GRAP2: variants seen among roughly 807,000 people sequenced by gnomAD.
GRAP2 encodes GRB2-related adapter protein 2.
In GRAP2, 31 loss-of-function variants were observed where a neutral mutation model predicts 43.5. The observed-to-expected ratio is 0.71, with a 90% CI of 0.54 to 0.96. The LOEUF (loss-of-function observed/expected upper bound fraction) is 0.96, where lower values mean the gene tolerates loss of function less well. GRAP2 is among the 40% of genes least tolerant of loss of function. GRAP2 has a pLI of 0.00. For synonymous variants in GRAP2, 156 were observed against 164.8 expected (o/e 0.95, Z 0.41); for missense variants, 371 against 424.4 (o/e 0.87, Z 1.11).
intron 1 of GRAP2, among the ~76,000 whole-genome samples, chr22:39,939,584 AAAT>A (rs2066845329): frequency 6.8e-6 from 1 of 147,462 alleles, no homozygotes; most frequent in African/African-American, 2.5e-5. Flanking sequence ...AAAAAAAAAG[AAAT>A]GGTCCTGCAT....
At position 39,901,314 on chromosome 22, in the gene GRAP2, C is replaced by A. The variant is rs1234563389; in HGVS notation, c.-31C>A. 1 of 1,236,390 alleles carries A rather than the reference C, an allele frequency of 8.1e-7. No homozygotes were observed. The highest frequency in any genetic ancestry group is 5.6e-5 in the East Asian group (1 of 17,790). The allele number at this position is 1,236,390 out of a possible 1,614,324, so 76.6% of individuals were successfully genotyped here. On this transcript the variant is annotated 5_prime_UTR_variant, in exon 1 of 8. Coordinates refer to ENST00000344138, the MANE Select transcript of GRAP2 (RefSeq NM_004810.4). ...GTCAAAGCCAAGACATAAACTCAAC[C>A]CCTTCTCTTCCAAAAGGTATGTCAT...
Position 39,972,556 on chromosome 22 carries a change from C to T in GRAP2, c.*1472C>T, listed in dbSNP as rs1012547021. ...TGGTGAGGGAGCCTGGAAGTTTTCT[C>T]TTCCCCAACCTCTCTTGCTCTAAGG... On this transcript the variant is annotated 3_prime_UTR_variant, in exon 8 of 8. Transcript: ENST00000344138. The T allele has an allele frequency of 2.0e-5, 3 of 152,226 alleles. No homozygotes were observed. Among genetic ancestry groups the T allele is most frequent in the African/African-American group, 7.2e-5 (3 of 41,428 alleles). 9.4% of individuals were successfully genotyped at this position (152,226 alleles called of 1,614,324 possible). A position where few individuals can be genotyped will look rare whatever the true frequency, so the allele number is the denominator to read the frequency against.
Position 39,968,192 on chromosome 22 carries a change from C to A in GRAP2, c.610C>A (p.Pro204Thr), listed in dbSNP as rs1172894325. 6.2e-7 allele frequency: 1 copy of A among 1,610,634 alleles called. No individual in the cohort carries two copies. Among genetic ancestry groups the A allele is most frequent in the Admixed American group, 1.7e-5 (1 of 59,792 alleles). ...GCAGCAGCACCAGCACCAGCCACAG[C>A]CTCCGCAATATGCCCCAGCGCCCCA... ...PLQQHQHQPQ[P>T]PQYAPAPQQL... Residue 204 changes from proline to threonine, a missense_variant, in exon 6 of 8, where the codon CCT becomes ACT. Transcript: ENST00000344138.
upstream of GRAP2, among the ~76,000 whole-genome samples, chr22:39,897,308 A>G (rs1018056808): frequency 2.6e-5 from 4 of 152,074 alleles, no homozygotes; most frequent in African/African-American, 9.7e-5. Context: ...GATATCCATG[A>G]GCTTACCTTT....
intron 1 of GRAP2, among the ~76,000 whole-genome samples, chr22:39,909,718 A>G (rs1569191524): frequency 6.6e-6 from 1 of 152,198 alleles, no homozygotes; most frequent in Non-Finnish European, 1.5e-5. Flanking sequence ...ATGGTACCAC[A>G]ATGCAAAACT....
chr22:39,935,626 C>A (rs1022249850), intron 1 of GRAP2, among the ~76,000 whole-genome samples: 4 of 152,102 alleles, frequency 2.6e-5, no homozygotes, highest in Non-Finnish European at 5.9e-5. Flanking sequence ...TCCCACTTTT[C>A]TGGGATAGAC....
intron 1 of GRAP2, among the ~76,000 whole-genome samples, chr22:39,917,070 T>C (rs182246742): frequency 1.3e-5 from 2 of 152,354 alleles, no homozygotes; most frequent in East Asian, 1.9e-4. Context: ...GAAATCATTT[T>C]TGAAACTGAG....
chr22:39,935,930 CAG>C (rs1311669398), intron 1 of GRAP2, among the ~76,000 whole-genome samples: 1 of 152,072 alleles, frequency 6.6e-6, no homozygotes, highest in Non-Finnish European at 1.5e-5. Flanking sequence ...CTGGCGAAAA[CAG>C]AGCAAGAAGA....
intron 6 of GRAP2, 137 bp from the exon 7 acceptor site, chr22:39,969,273 TG>T: frequency 1.0e-6 from 1 of 957,694 alleles, no homozygotes; most frequent in Non-Finnish European, 1.6e-6. Context: ...CTCCTCAACG[TG>T]GAGGGTTTAT....
intron 1 of GRAP2, among the ~76,000 whole-genome samples, chr22:39,940,367 G>A (rs939440813): frequency 1.4e-5 from 2 of 139,432 alleles, no homozygotes; most frequent in Non-Finnish European, 3.1e-5. Flanking sequence ...GGCCCAGCCT[G>A]TTTTGTTTTT....
upstream of GRAP2, among the ~76,000 whole-genome samples, chr22:39,896,336 C>T (rs900488316): frequency 2.6e-5 from 4 of 152,066 alleles, no homozygotes; most frequent in African/African-American, 7.2e-5. Context: ...GTTATGGGAT[C>T]GGGCTCTGAA....
In GRAP2 at chr22:39,968,197, G is replaced by T. The variant is rs368460378; in HGVS notation, c.615G>T (p.Pro205=). The change falls in exon 6 of 8, where the codon CCG becomes CCT. Residue 205 remains proline, a synonymous_variant. Transcript: ENST00000344138. ...LQQHQHQPQP[P]QYAPAPQQLQ... ...AGCACCAGCACCAGCCACAGCCTCCGCAATATGCCCCAGCGCCCCAGCAGC... is the reference window on the plus strand; with the variant it reads ...AGCACCAGCACCAGCCACAGCCTCCTCAATATGCCCCAGCGCCCCAGCAGC... 16 of 1,609,534 alleles carry T rather than the reference G, an allele frequency of 9.9e-6. No individual in the cohort carries two copies. The highest frequency in any genetic ancestry group is 4.0e-5 in the African/African-American group (3 of 74,674).
At chr22:39,934,186 T>TTGA (rs1292143583) in intron 1 of GRAP2, among the ~76,000 whole-genome samples, 2 of 152,174 alleles carry the variant, frequency 1.3e-5, no homozygotes, top group Admixed American at 1.3e-4. Flanking sequence ...ACGGCACAGC[T>TTGA]TGATTTCAGC....
At chr22:39,903,568 C>A (rs1181036045) in intron 1 of GRAP2, among the ~76,000 whole-genome samples, 1 of 147,122 alleles carries the variant, frequency 6.8e-6, no homozygotes, top group Non-Finnish European at 1.5e-5. Context: ...GCCTCAACTA[C>A]CCTGGGTTTA....
At chr22:39,932,154 G>A (rs1036616288) in intron 1 of GRAP2, among the ~76,000 whole-genome samples, 1 of 152,172 alleles carries the variant, frequency 6.6e-6, no homozygotes, top group Non-Finnish European at 1.5e-5. Context: ...AGATGAAAGG[G>A]TGAAAAGATC....
chr22:39,967,460 T>C (rs982141684), intron 5 of GRAP2, among the ~76,000 whole-genome samples: 3 of 152,236 alleles, frequency 2.0e-5, no homozygotes, highest in South Asian at 4.1e-4. Flanking sequence ...ACATAATTGT[T>C]TGTTAAATGA....
intron 1 of GRAP2, among the ~76,000 whole-genome samples, chr22:39,920,001 T>G (rs918558090): frequency 6.6e-6 from 1 of 152,220 alleles, no homozygotes; most frequent in Non-Finnish European, 1.5e-5. Context: ...AACCACAGCA[T>G]TCAGAATCTA....
At chr22:39,960,499 A>G (rs1375068532) in intron 4 of GRAP2, 1 of 244,644 alleles carries the variant, frequency 4.1e-6, no homozygotes, top group African/African-American at 2.2e-5. Flanking sequence ...AAAGAGAGAC[A>G]CTCAGTGAGT....
At chr22:39,907,175 A>G (rs2066528828) in intron 1 of GRAP2, among the ~76,000 whole-genome samples, 1 of 149,614 alleles carries the variant, frequency 6.7e-6, no homozygotes, top group Non-Finnish European at 1.5e-5. Flanking sequence ...GACCATAAAT[A>G]CGCTGATATC....
Sources: allele counts gnomAD v4.1 joint callset (sites outside exome capture counted in the v4.1 genomes callset), GRCh38; gene constraint gnomAD v4.1.1; transcripts MANE v1.5; gene names NCBI Gene and HGNC (gene_info 2026-07-23, HGNC 2026-07-21).